TTLL6: variants seen among roughly 807,000 people sequenced by gnomAD.
TTLL6 encodes the protein tubulin polyglutamylase TTLL6.
In TTLL6, 75 loss-of-function variants were observed where a neutral mutation model predicts 96.4. The observed-to-expected ratio is 0.78, with a 90% confidence interval of 0.65 to 0.94. TTLL6 has a LOEUF of 0.94. Ranked by LOEUF, TTLL6 falls within the 40% of genes least tolerant of loss-of-function variation. TTLL6 has a pLI of 0.00. For missense variants in TTLL6, 1,030 were observed against 1,093.0 expected (o/e 0.94, Z 0.81); for synonymous variants, 411 against 419.4 (o/e 0.98, Z 0.24).
rs898200652 is a variant in TTLL6 at position 48,785,150 on chromosome 17, C to T, written c.1813G>A (p.Val605Ile). Residue 605 changes from valine (V) to isoleucine (I), a missense_variant, in exon 13 of 16, where the codon GTC (valine) becomes ATC (isoleucine). Coordinates refer to ENST00000393382, the MANE Select transcript of TTLL6 (RefSeq NM_001130918.3). ...GTTTCATTTTTCCTTTCACCTCTGA[C>T]ACTCAAGAGCAAGTCAGGTGTGTAG... The part of the protein sequence containing the change: ...VSYTPDLLLS[V>I]RGERKNETDS... 6.2e-7 allele frequency: 1 copy of T among 1,614,152 alleles called. No individual in the cohort carries two copies.
chr17:48,769,427 T>C (rs911139632), intron 14 of TTLL6, among the ~76,000 whole-genome samples, 173 bp from the exon 15 acceptor site: 7 of 152,238 alleles, frequency 4.6e-5, no homozygotes, highest in African/African-American at 1.4e-4. Flanking sequence ...TCCCCATTTT[T>C]TCATACTTAA....
chr17:48,817,054 G>T lies in TTLL6; in HGVS notation c.19C>A (p.His7Asn). 1 of 1,544,500 alleles carries T rather than the reference G, an allele frequency of 6.5e-7. No homozygotes were observed. Residue 7 changes from histidine to asparagine, a missense_variant, in exon 1 of 16, where the codon CAT (histidine) becomes AAT (asparagine). His to Asn is a moderately conservative substitution (Grantham distance 68). Transcript: ENST00000393382. MGALLL[H>N]PSRRGPAGVV... is the part of the protein sequence containing the mutation. Reference sequence around the variant, plus strand: ...CCTGCCGGCCCCCTCCTCGAAGGATGAAGGAGTAACGCTCCCATTGGCTGC... The same window carrying T: ...CCTGCCGGCCCCCTCCTCGAAGGATTAAGGAGTAACGCTCCCATTGGCTGC...
rs1398203523 is a variant in TTLL6, at chr17:48,794,613, C to T, written c.998+1448G>A. Among the ~76,000 whole-genome samples the T allele has an allele frequency of 7.9e-5, 12 of 152,288 alleles. No individual in the cohort carries two copies. The East Asian group carries it at 9.6e-4, about 12-fold the overall frequency. On this transcript the variant is annotated intron_variant, in intron 8 of 15. Coordinates refer to ENST00000393382, the MANE Select transcript of TTLL6 (RefSeq NM_001130918.3). Reference sequence around the variant, plus strand: ...CCAGGTGGGGAGGAGAGGAGGAAGTCGCAGAGCTTCAGGCAGCACAGGTGG... The same window carrying T: ...CCAGGTGGGGAGGAGAGGAGGAAGTTGCAGAGCTTCAGGCAGCACAGGTGG...
In TTLL6 at chr17:48,769,152, T is replaced by A; in HGVS notation, c.2513A>T (p.Tyr838Phe). 1 of 1,614,186 alleles carries A rather than the reference T, an allele frequency of 6.2e-7. No individual in the cohort carries two copies. Among genetic ancestry groups the A allele is most frequent in the Non-Finnish European group, 8.5e-7 (1 of 1,180,014 alleles). ...SSLLLQSPQS[Y>F]NVTLRDLLVI... The stretch of plus-strand genomic sequence containing the variant: ...CAGCAGGTCCCTCAGAGTAACATTA[T>A]AGCTCTGAGGACTCTGCAAGAGGAG... Residue 838 changes from tyrosine (Y) to phenylalanine (F), a missense_variant, in exon 15 of 16, where the codon TAT (tyrosine) becomes TTT (phenylalanine). Transcript: ENST00000393382.
At chr17:48,795,727 A>G (rs1465348627) in intron 8 of TTLL6, among the ~76,000 whole-genome samples, 2 of 152,200 alleles carry the variant, frequency 1.3e-5, no homozygotes, top group Admixed American at 6.5e-5. Flanking sequence ...CTAGCGATCA[A>G]TAAATATCTG....
intron 8 of TTLL6, among the ~76,000 whole-genome samples, chr17:48,795,054 G>A (rs910109714): frequency 1.7e-4 from 26 of 152,166 alleles, no homozygotes; most frequent in African/African-American, 6.3e-4. Context: ...TAGGCCGGGC[G>A]CGGTGGCTCA....
intron 1 of TTLL6, among the ~76,000 whole-genome samples, chr17:48,808,632 A>G (rs1240079083): frequency 6.6e-6 from 1 of 152,072 alleles, no homozygotes; most frequent in East Asian, 1.9e-4. Flanking sequence ...GCAGTGGTGC[A>G]ATCTCAGCTC....
chr17:48,791,271 G>T, intron 9 of TTLL6, 107 bp downstream of exon 9: 1 of 961,234 alleles, frequency 1.0e-6, no homozygotes, highest in Non-Finnish European at 1.6e-6. Context: ...GGAGGAAGTG[G>T]CCTGGGAAGT....
chr17:48,796,079 G>T lies in TTLL6; in HGVS notation c.980C>A (p.Ala327Glu). Residue 327 changes from alanine to glutamate, a missense_variant, in exon 8 of 16, where the codon GCA becomes GAA. Coordinates refer to ENST00000393382, the MANE Select transcript of TTLL6 (RefSeq NM_001130918.3). ...TCCTTACCTCTTACTGCCAGAGTGT[G>T]CATCTCGACTGAAATTTGAACTGTG... Reference protein sequence around the residue: ...NKHSSNFSRDAHSGSKRKLST... With the variant: ...NKHSSNFSRDEHSGSKRKLST... The T allele has an allele frequency of 1.9e-6, 3 of 1,551,294 alleles. No individual in the cohort carries two copies. The highest frequency in any genetic ancestry group is 2.6e-6 in the Non-Finnish European group (3 of 1,146,712).
chr17:48,806,830 A>T (rs1002929083), intron 1 of TTLL6, among the ~76,000 whole-genome samples: 5 of 152,024 alleles, frequency 3.3e-5, no homozygotes. Flanking sequence ...CAGAAGTTCG[A>T]GACCAGCCTG....
At chr17:48,793,677 A>G (rs2039268035) in intron 8 of TTLL6, among the ~76,000 whole-genome samples, 1 of 151,958 alleles carries the variant, frequency 6.6e-6, no homozygotes, top group African/African-American at 2.4e-5. Context: ...AAGGGCACCA[A>G]CTCGGGGGTC....
chr17:48,796,837 T>C lies in TTLL6; in HGVS notation c.912+224A>G, dbSNP rs563674460. Among the ~76,000 whole-genome samples, 27 of 152,204 alleles carry C rather than the reference T, an allele frequency of 1.8e-4. 1 individual carries two copies. In the South Asian group the frequency reaches 4.4e-3, roughly 25 times the overall value. ...TCACCTCTTCCTAGCTGTGTGACCT[T>C]GGACAAGTCCCTTATGCTCTGGGTT... is the stretch of plus-strand genomic sequence containing the variant. On this transcript the variant is annotated intron_variant, in intron 7 of 15. Coordinates refer to ENST00000393382, the MANE Select transcript of TTLL6 (RefSeq NM_001130918.3).
intron 1 of TTLL6, among the ~76,000 whole-genome samples, chr17:48,814,656 G>C (rs1297523995): frequency 6.6e-6 from 1 of 152,196 alleles, no homozygotes; most frequent in Non-Finnish European, 1.5e-5. Flanking sequence ...GGTCCATTGC[G>C]GGTTATTTGG....
At chr17:48,790,543 C>T (rs2039198466) in intron 9 of TTLL6, among the ~76,000 whole-genome samples, 1 of 152,144 alleles carries the variant, frequency 6.6e-6, no homozygotes, top group African/African-American at 2.4e-5. Flanking sequence ...GACTCATTCC[C>T]GCCCACTGAA....
chr17:48,787,770 C>A, intron 11 of TTLL6, 41 bp downstream of exon 11: 1 of 1,581,738 alleles, frequency 6.3e-7, no homozygotes, highest in South Asian at 1.2e-5. Flanking sequence ...CACACAATCC[C>A]CAGAACCCCT....
At chr17:48,777,642 AATC>A (rs2038901604) in intron 13 of TTLL6, among the ~76,000 whole-genome samples, 1 of 152,118 alleles carries the variant, frequency 6.6e-6, no homozygotes, top group Non-Finnish European at 1.5e-5. Context: ...GAGGCAGGAG[AATC>A]ACTTGAACCT....
chr17:48,801,168 G>GA, intron 5 of TTLL6, 87 bp downstream of exon 5: 2 of 1,279,218 alleles, frequency 1.6e-6, no homozygotes, highest in Non-Finnish European at 2.2e-6. Context: ...TATGGGCAGG[G>GA]AAAGTGGCAA....
chr17:48,807,521 G>A (rs928923150), intron 1 of TTLL6, among the ~76,000 whole-genome samples: 1 of 151,924 alleles, frequency 6.6e-6, no homozygotes, highest in Non-Finnish European at 1.5e-5. Flanking sequence ...GGGTTTTTTG[G>A]TTTGTTTTGA....
In TTLL6 at chr17:48,799,669, T is replaced by C. The variant is rs369036483; in HGVS notation, c.703A>G (p.Ile235Val). 38 of 1,551,756 alleles carry C rather than the reference T, an allele frequency of 2.4e-5. No homozygotes were observed. In the Middle Eastern group the frequency reaches 5.0e-4, roughly 20 times the overall value. Residue 235 changes from isoleucine (I) to valine (V), a missense_variant, in exon 6 of 16, where the codon ATC becomes GTC. Coordinates refer to ENST00000393382, the MANE Select transcript of TTLL6 (RefSeq NM_001130918.3). ...DSGCQGKGIF[I>V]TRTVKEIKPG... Reference sequence around the variant, plus strand: ...TTGATTTCTTTCACTGTCCGGGTGATGAATATACCTTTCCCTTGGCAGCCC... The same window carrying C: ...TTGATTTCTTTCACTGTCCGGGTGACGAATATACCTTTCCCTTGGCAGCCC...
Sources: gnomAD v4.1 joint callset for allele counts (sites outside exome capture counted in the v4.1 genomes callset) on GRCh38, gnomAD v4.1.1 for gene constraint, MANE v1.5 for transcripts, NCBI Gene and HGNC (gene_info 2026-07-23, HGNC 2026-07-21) for gene names.